COL4A2: variants seen among roughly 807,000 people sequenced by gnomAD.
COL4A2 encodes collagen alpha-2(IV) chain.
COL4A2 carries 99 observed loss-of-function variants against 200.2 expected under a neutral mutation model. The ratio of observed to expected loss-of-function variants is 0.49; its 90% confidence interval spans 0.42 to 0.58. COL4A2 has a LOEUF of 0.58. COL4A2 is among the 20% of genes least tolerant of loss of function. The probability of loss-of-function intolerance (pLI) is 0.00; values close to 1 mark genes in which losing one functional copy is unlikely to be tolerated. For missense variants in COL4A2, 1,950 were observed against 2,314.1 expected (o/e 0.84, Z 3.23); for synonymous variants, 897 against 900.6 (o/e 1.00, Z 0.07).
Position 110,503,421 on chromosome 13 carries a change from C to A in COL4A2, c.4078C>A (p.Pro1360Thr). ...ACAAGGCTTCATGGGGAACACTGGA[C>A]CCACTGGGGCGGTGGGCGACAGAGG... is the stretch of plus-strand genomic sequence containing the variant. ...GEQGFMGNTG[P>T]TGAVGDRGPK... is the part of the protein sequence containing the mutation. The change falls in exon 43 of 48, where the codon CCC (proline) becomes ACC (threonine). Residue 1360 changes from proline to threonine, a missense_variant. Transcript: ENST00000360467. 1 of 1,595,482 alleles carries A rather than the reference C, an allele frequency of 6.3e-7. No individual in the cohort carries two copies.
chr13:110,346,024 T>C (rs1876685075), intron 3 of COL4A2, among the ~76,000 whole-genome samples: 1 of 152,150 alleles, frequency 6.6e-6, no homozygotes, highest in Non-Finnish European at 1.5e-5. Context: ...GCTGCTGATG[T>C]ATCTGGGCAA....
chr13:110,376,358 T>C (rs560939697), intron 4 of COL4A2, among the ~76,000 whole-genome samples: 1 of 152,270 alleles, frequency 6.6e-6, no homozygotes, highest in African/African-American at 2.4e-5. Flanking sequence ...CTCTTCTGGT[T>C]GCTGCTTGAT....
In COL4A2 at chr13:110,482,504, T is replaced by C. The variant is rs1355241651; in HGVS notation, c.2759-12T>C. ...CATGTCTAACCCAGCACTTTTCTCT[T>C]TTCCTCTGAAGGAGATAGAGGCTCA... On this transcript the variant is annotated splice_polypyrimidine_tract_variant and intron_variant, in intron 31 of 47. Coordinates refer to ENST00000360467, the MANE Select transcript of COL4A2 (RefSeq NM_001846.4). 17 of 1,612,874 alleles carry C rather than the reference T, an allele frequency of 1.1e-5. No individual in the cohort carries two copies. Among genetic ancestry groups the C allele is most frequent in the Non-Finnish European group, 1.4e-5 (17 of 1,179,064 alleles).
At chr13:110,452,118 T>A (rs1317842041) in intron 20 of COL4A2, among the ~76,000 whole-genome samples, 3 of 108,664 alleles carry the variant, frequency 2.8e-5, no homozygotes, top group Non-Finnish European at 6.4e-5. Context: ...TCAAAGTCTC[T>A]GTTTTGTTTG....
chr13:110,317,541 G>A (rs188580813), intron 3 of COL4A2, among the ~76,000 whole-genome samples: 10 of 150,544 alleles, frequency 6.6e-5, no homozygotes, highest in South Asian at 2.1e-4. Flanking sequence ...GGACAGAGGC[G>A]GGAGGGTGAC....
rs1203236820 is a variant in COL4A2 at position 110,466,060 on chromosome 13, C to T, written c.2036C>T (p.Pro679Leu). The T allele has an allele frequency of 6.2e-7, 1 of 1,613,504 alleles. No homozygotes were observed. The highest frequency in any genetic ancestry group is 8.5e-7 in the Non-Finnish European group (1 of 1,179,638). Reference sequence around the variant, plus strand: ...GGTGACAGACAGGAGGCCATCCAGCCAGGTACTCTGGGAAGTGCAGGTGGC... The same window carrying T: ...GGTGACAGACAGGAGGCCATCCAGCTAGGTACTCTGGGAAGTGCAGGTGGC... ...VGGDRQEAIQ[P>L]GCIGGPKGLP... Residue 679 changes from proline to leucine, a missense_variant and splice_region_variant, in exon 26 of 48, where the codon CCA (proline) becomes CTA (leucine). Coordinates refer to ENST00000360467, the MANE Select transcript of COL4A2 (RefSeq NM_001846.4).
At chr13:110,482,467 A>G (rs1361546736) in intron 31 of COL4A2, 49 bp from the exon 32 acceptor site, 3 of 1,582,360 alleles carry the variant, frequency 1.9e-6, no homozygotes, top group South Asian at 2.2e-5. Flanking sequence ...GAAATGTCCC[A>G]TGCATTTTAT....
At chr13:110,485,101 C>T (rs1344098882) in intron 33 of COL4A2, 74 bp downstream of exon 33, 39 of 1,357,400 alleles carry the variant, frequency 2.9e-5, no homozygotes, top group Admixed American at 1.6e-4. Context: ...TGCCCTTCTC[C>T]GTCCCCAGAG....
intron 3 of COL4A2, among the ~76,000 whole-genome samples, chr13:110,321,183 T>A (rs1227885950): frequency 1.4e-5 from 2 of 145,682 alleles, no homozygotes; most frequent in African/African-American, 5.3e-5. Flanking sequence ...TGTGCATGTG[T>A]GTGTGTGTGT....
intron 20 of COL4A2, among the ~76,000 whole-genome samples, chr13:110,451,704 T>C (rs1160860518): frequency 6.6e-6 from 1 of 152,244 alleles, no homozygotes; most frequent in Non-Finnish European, 1.5e-5. Flanking sequence ...CTGGGGATTA[T>C]GGGAACTACA....
intron 45 of COL4A2, among the ~76,000 whole-genome samples, chr13:110,505,501 C>T (rs951764882): frequency 3.9e-5 from 6 of 152,092 alleles, no homozygotes; most frequent in South Asian, 2.1e-4. Context: ...AATGGGAGCC[C>T]GCCCAGGGTA....
At chr13:110,363,592 G>C (rs1877612116) in intron 4 of COL4A2, among the ~76,000 whole-genome samples, 1 of 152,094 alleles carries the variant, frequency 6.6e-6, no homozygotes, top group East Asian at 1.9e-4. Context: ...GTCATCTTGA[G>C]ATGAAAAAGA....
intron 41 of COL4A2, among the ~76,000 whole-genome samples, chr13:110,502,360 T>C (rs1026807403): frequency 3.3e-5 from 5 of 152,232 alleles, no homozygotes; most frequent in Non-Finnish European, 7.3e-5. Flanking sequence ...AGCCTTGCTC[T>C]GTCGCCCAGG....
chr13:110,485,937 A>G, intron 34 of COL4A2, 101 bp downstream of exon 34: 1 of 1,530,008 alleles, frequency 6.5e-7, no homozygotes, highest in Admixed American at 2.2e-5. Context: ...TGAGAGTGTC[A>G]GTGGCAGGTT....
intron 4 of COL4A2, among the ~76,000 whole-genome samples, chr13:110,413,335 C>T (rs1390499222): frequency 6.6e-6 from 1 of 152,208 alleles, no homozygotes; most frequent in Non-Finnish European, 1.5e-5. Flanking sequence ...GTGAATGAGG[C>T]ATGGTCCCTA....
intron 20 of COL4A2, among the ~76,000 whole-genome samples, chr13:110,453,324 A>G (rs1423287349): frequency 1.3e-5 from 2 of 152,084 alleles, no homozygotes; most frequent in African/African-American, 4.8e-5. Flanking sequence ...CAACATGGTG[A>G]AACCCCATCT....
At chr13:110,348,729 G>A (rs537434433) in intron 3 of COL4A2, among the ~76,000 whole-genome samples, 11 of 152,122 alleles carry the variant, frequency 7.2e-5, no homozygotes, top group African/African-American at 2.4e-4. Flanking sequence ...AATAGGTAAT[G>A]TTGATCTTGT....
At chr13:110,506,391 C>G (rs938532047) in intron 45 of COL4A2, 24 bp from the exon 46 acceptor site, 4 of 1,591,928 alleles carry the variant, frequency 2.5e-6, no homozygotes, top group African/African-American at 1.3e-5. Flanking sequence ...AGGCCGTCCA[C>G]TCTCTCTCTT....
intron 4 of COL4A2, among the ~76,000 whole-genome samples, chr13:110,388,322 C>T (rs1878845947): frequency 6.6e-6 from 1 of 152,240 alleles, no homozygotes. Context: ...GGTGACTTCT[C>T]TTGGCCAGTA....
Sources: allele counts gnomAD v4.1 joint callset (sites outside exome capture counted in the v4.1 genomes callset), GRCh38; gene constraint gnomAD v4.1.1; transcripts MANE v1.5; gene names NCBI Gene and HGNC (gene_info 2026-07-23, HGNC 2026-07-21).